The following RNF130 variants were observed in gnomAD, a reference collection of about 807,000 sequenced individuals.
The protein encoded by RNF130 is E3 ubiquitin-protein ligase RNF130.
RNF130 carries 21 observed loss-of-function variants against 44.6 expected under a neutral mutation model. The ratio of observed to expected loss-of-function variants is 0.47; its 90% CI spans 0.33 to 0.68. RNF130 has a LOEUF of 0.68. Ranked by LOEUF, RNF130 falls within the 30% of genes least tolerant of loss-of-function variation. The probability of loss-of-function intolerance (pLI) is 0.02; values close to 1 mark genes in which losing one functional copy is unlikely to be tolerated. For missense variants in RNF130, 479 were observed against 560.6 expected (o/e 0.85, Z 1.47); for synonymous variants, 214 against 210.4 (o/e 1.02, Z -0.15).
chr5:179,972,917 C>G (rs2113709896), intron 5 of RNF130, among the ~76,000 whole-genome samples: 1 of 152,210 alleles, frequency 6.6e-6, no homozygotes, highest in East Asian at 1.9e-4. Flanking sequence ...GCCCACCCCT[C>G]TGTTTTACTA....
chr5:179,952,439 C>T (rs1251471434), downstream of RNF130, among the ~76,000 whole-genome samples: 4 of 152,058 alleles, frequency 2.6e-5, no homozygotes, highest in South Asian at 2.1e-4. Context: ...AGAATTAACA[C>T]AATTCTTCTT....
intron 3 of RNF130, among the ~76,000 whole-genome samples, chr5:179,981,919 C>T (rs1445739833): frequency 6.6e-6 from 1 of 152,194 alleles, no homozygotes; most frequent in Non-Finnish European, 1.5e-5. Context: ...TTAAAATCTA[C>T]ACCCTGACAT....
Position 180,045,696 on chromosome 5 carries a change from A to G in RNF130, c.248-5049T>C, listed in dbSNP as rs370932139. 2.7e-4 allele frequency among the ~76,000 whole-genome samples: 41 copies of G among 152,220 alleles called. No homozygotes were observed. In the East Asian group the frequency reaches 6.2e-3, roughly 23 times the overall value. ...TTAGACACAGAGTGCTGATTGGTGC[A>G]TTTACAAACCTTGAGTTAGACACAG... On this transcript the variant is annotated intron_variant, in intron 1 of 8. Coordinates refer to ENST00000521389, the MANE Select transcript of RNF130 (RefSeq NM_018434.6).
chr5:180,001,541 C>A (rs1195922568), intron 3 of RNF130, among the ~76,000 whole-genome samples: 1 of 152,168 alleles, frequency 6.6e-6, no homozygotes, highest in Non-Finnish European at 1.5e-5. Context: ...ACTGGCCTGA[C>A]TAGGTAGAAG....
intron 7 of RNF130, among the ~76,000 whole-genome samples, chr5:179,943,255 T>C (rs780812710): frequency 4.6e-5 from 7 of 152,198 alleles, no homozygotes; most frequent in Non-Finnish European, 7.4e-5. Context: ...AATAGGTGAC[T>C]GGTTTTATGA....
At chr5:180,043,587 C>T (rs1017034420) in intron 1 of RNF130, among the ~76,000 whole-genome samples, 2 of 152,024 alleles carry the variant, frequency 1.3e-5, no homozygotes, top group Non-Finnish European at 2.9e-5. Flanking sequence ...GACAGCAGTT[C>T]AGTAATATTC....
intron 1 of RNF130, among the ~76,000 whole-genome samples, chr5:180,062,693 A>T (rs888834884): frequency 6.6e-6 from 1 of 152,206 alleles, no homozygotes; most frequent in African/African-American, 2.4e-5. Flanking sequence ...GATGAAAAAG[A>T]CTTTCTAACA....
intron 6 of RNF130, among the ~76,000 whole-genome samples, chr5:179,968,709 T>C (rs1208106765): frequency 2.6e-5 from 4 of 151,198 alleles, no homozygotes; most frequent in Non-Finnish European, 5.9e-5. Flanking sequence ...TTCTACACTG[T>C]GCTAGGCATC....
chr5:179,927,954 T>A lies in RNF130; in HGVS notation c.1151-7528A>T, dbSNP rs530347626. ...GGAATATATTCTTTTGTGTCTAGAC[T>A]CTGTCTGACACACAAATGTCTGACA... On this transcript the variant is annotated intron_variant, in intron 7 of 7. Transcript: ENST00000522208. 5.9e-5 allele frequency among the ~76,000 whole-genome samples: 9 copies of A among 152,280 alleles called. No individual in the cohort carries two copies. In the East Asian group the frequency reaches 1.7e-3, roughly 29 times the overall value.
chr5:179,966,741 T>C, intron 7 of RNF130, 65 bp downstream of exon 7: 1 of 1,459,250 alleles, frequency 6.9e-7, no homozygotes, highest in South Asian at 1.2e-5. Flanking sequence ...TTGACTCTCC[T>C]GATGGTCCCG....
intron 3 of RNF130, among the ~76,000 whole-genome samples, chr5:180,004,774 A>G (rs1339105606): frequency 1.3e-5 from 2 of 152,236 alleles, no homozygotes; most frequent in Admixed American, 6.5e-5. Flanking sequence ...CCATTCGGCA[A>G]TCAGAACTCT....
At chr5:179,954,625 T>C (rs1333458734), downstream of RNF130, among the ~76,000 whole-genome samples, 1 of 152,246 alleles carries the variant, frequency 6.6e-6, no homozygotes, top group East Asian at 1.9e-4. Flanking sequence ...TGTTCTGGAA[T>C]CTGATAGTGG....
rs532171304 is a variant in RNF130, at chr5:179,940,456, C to G, written c.1151-20030G>C. Among the ~76,000 whole-genome samples the G allele has an allele frequency of 1.7e-3, 262 of 152,110 alleles. 1 individual carries two copies. The highest frequency in any genetic ancestry group is 6.0e-3 in the African/African-American group (247 of 41,486). ...GGCTGGTCTCTTTTGCCAGGCTGGTCTCGAACTCCTGACTTCATGATCCTC... is the reference window on the plus strand; with the variant it reads ...GGCTGGTCTCTTTTGCCAGGCTGGTGTCGAACTCCTGACTTCATGATCCTC... On this transcript the variant is annotated intron_variant, in intron 7 of 7. Coordinates refer to the RNF130 transcript ENST00000522208.
rs373940107 is a variant in RNF130, at chr5:179,959,016, T to A, written c.1245-3347A>T. Among the ~76,000 whole-genome samples, 56 of 152,244 alleles carry A rather than the reference T, an allele frequency of 3.7e-4. 1 individual carries two copies. The South Asian group carries it at 0.011, about 31-fold the overall frequency. ...TTCTTATATCAAGTGGAAATCTGCC[T>A]CCCTGTAGATATCGCCAGAGCTCCA... is the stretch of plus-strand genomic sequence containing the variant. On this transcript the variant is annotated intron_variant, in intron 8 of 8. Transcript: ENST00000521389.
chr5:179,915,007 G>C (rs974935505), exon 8 of RNF130: 7 of 152,212 alleles, frequency 4.6e-5, no homozygotes, highest in African/African-American at 1.7e-4. Context: ...ACTCCAGTCT[G>C]GGCAACAGAG....
At chr5:179,966,044 AG>A (rs1280681136) in intron 7 of RNF130, among the ~76,000 whole-genome samples, 1 of 152,184 alleles carries the variant, frequency 6.6e-6, no homozygotes. Context: ...GTTAGATGAA[AG>A]GAACATGTAG....
intron 7 of RNF130, among the ~76,000 whole-genome samples, chr5:179,944,130 C>T (rs944164403): frequency 3.3e-5 from 5 of 151,258 alleles, no homozygotes; most frequent in Non-Finnish European, 7.4e-5. Flanking sequence ...TGCCACCATG[C>T]CTAGCTTTTT....
chr5:179,971,106 TTC>T (rs1006463697), intron 5 of RNF130, among the ~76,000 whole-genome samples: 12 of 152,272 alleles, frequency 7.9e-5, no homozygotes, highest in East Asian at 1.9e-4. Flanking sequence ...ATGGGAGATT[TTC>T]TCTCTTATTC....
At chr5:180,046,116 G>C (rs77046728) in intron 1 of RNF130, among the ~76,000 whole-genome samples, 1 of 152,168 alleles carries the variant, frequency 6.6e-6, no homozygotes, top group Non-Finnish European at 1.5e-5. Flanking sequence ...ATCTGTGCGC[G>C]GTGGACCGCG....
Sources: gnomAD v4.1 joint callset for allele counts (sites outside exome capture counted in the v4.1 genomes callset) on GRCh38, gnomAD v4.1.1 for gene constraint, MANE v1.5 for transcripts, NCBI Gene and HGNC (gene_info 2026-07-23, HGNC 2026-07-21) for gene names.